Variants in N4BP2L1 observed in about 807,000 individuals in gnomAD.
N4BP2L1 encodes NEDD4-binding protein 2-like 1.
N4BP2L1 carries 12 observed loss-of-function variants against 21.2 expected under a neutral mutation model. The observed-to-expected ratio is 0.57, with a 90% CI of 0.36 to 0.92. N4BP2L1 has a LOEUF of 0.92. Among genes scored for constraint, N4BP2L1 ranks in the 40% least tolerant of loss-of-function variants. N4BP2L1 has a pLI of 0.01. For missense variants in N4BP2L1, 259 were observed against 310.6 expected (o/e 0.83, Z 1.25); for synonymous variants, 104 against 112.8 (o/e 0.92, Z 0.49).
intron 3 of N4BP2L1, 88 bp downstream of exon 3, chr13:32,407,162 G>T: frequency 1.5e-6 from 2 of 1,315,336 alleles, no homozygotes; most frequent in Non-Finnish European, 2.2e-6. Context: ...TGAAATCATG[G>T]AACATCAGAA....
At chr13:32,419,230 A>G (rs1333707376) in intron 1 of N4BP2L1, among the ~76,000 whole-genome samples, 2 of 146,312 alleles carry the variant, frequency 1.4e-5, no homozygotes, top group Non-Finnish European at 3.0e-5. Context: ...GAGTTCTCAC[A>G]AGATCTGGCT....
chr13:32,411,796 A>T lies in N4BP2L1; in HGVS notation c.180-4024T>A, dbSNP rs371008786. On this transcript the variant is annotated intron_variant, in intron 1 of 4. Coordinates refer to ENST00000380130, the MANE Select transcript of N4BP2L1 (RefSeq NM_052818.3). ...TTTAATAATAGAGAACCATAGAGATATATTTAGATATCTCTTCAGCCAGTC... is the reference window on the plus strand; with the variant it reads ...TTTAATAATAGAGAACCATAGAGATTTATTTAGATATCTCTTCAGCCAGTC... 33 of 974,064 alleles carry T rather than the reference A, an allele frequency of 3.4e-5. 2 individuals are homozygous for T. In the East Asian group the frequency reaches 1.7e-3, roughly 50 times the overall value. 60.3% of individuals were successfully genotyped at this position (974,064 alleles called of 1,614,324 possible). A position where few individuals can be genotyped will look rare whatever the true frequency, so the allele number is the denominator to read the frequency against.
At chr13:32,420,286 C>G (rs983453154) in intron 1 of N4BP2L1, 6 of 152,274 alleles carry the variant, frequency 3.9e-5, no homozygotes, top group African/African-American at 9.6e-5. Context: ...TTTGTAGGCT[C>G]TCACAGCTGT....
rs1411249168 is a variant in N4BP2L1, at chr13:32,415,418, G to A, written c.180-7646C>T. 2.0e-5 allele frequency among the ~76,000 whole-genome samples: 3 copies of A among 152,210 alleles called. No homozygotes were observed. In the East Asian group the frequency reaches 5.8e-4, roughly 29 times the overall value. On this transcript the variant is annotated intron_variant, in intron 1 of 4. Coordinates refer to ENST00000380130, the MANE Select transcript of N4BP2L1 (RefSeq NM_052818.3). ...AATTTATTTTTTTAATCACTTCTGA[G>A]CCTTCAAGTCAAATATGTTCTATGA...
chr13:32,412,398 G>A (rs1396629380), intron 1 of N4BP2L1, among the ~76,000 whole-genome samples: 8 of 152,022 alleles, frequency 5.3e-5, no homozygotes, highest in Non-Finnish European at 1.2e-4. Flanking sequence ...AGGCCAAGAC[G>A]GGCGGATCAC....
At chr13:32,423,581 G>A (rs1236444449) in intron 1 of N4BP2L1, among the ~76,000 whole-genome samples, 5 of 152,172 alleles carry the variant, frequency 3.3e-5, no homozygotes, top group Admixed American at 1.3e-4. Flanking sequence ...CCCATACAAG[G>A]TAATATTTTA....
At chr13:32,423,522 TACC>T (rs1207818992) in intron 1 of N4BP2L1, among the ~76,000 whole-genome samples, 4 of 152,260 alleles carry the variant, frequency 2.6e-5, no homozygotes, top group Admixed American at 2.6e-4. Context: ...AAAGAAAGGC[TACC>T]CTCTATTATG....
intron 3 of N4BP2L1, among the ~76,000 whole-genome samples, chr13:32,406,195 C>G (rs1434818118): frequency 6.6e-6 from 1 of 151,924 alleles, no homozygotes; most frequent in Non-Finnish European, 1.5e-5. Context: ...AGGCATGAGC[C>G]ACCGCACCCG....
chr13:32,407,994 G>T (rs1334133998), intron 1 of N4BP2L1, among the ~76,000 whole-genome samples: 1 of 152,194 alleles, frequency 6.6e-6, no homozygotes, highest in East Asian at 1.9e-4. Context: ...AGTGTGTGTT[G>T]CCAGTCCTTG....
chr13:32,425,537 T>C (rs2074715900), intron 1 of N4BP2L1: 1 of 140,114 alleles, frequency 7.1e-6, no homozygotes, highest in Non-Finnish European at 1.5e-5. Context: ...AAAATGTATA[T>C]AGCACTTTAA....
At chr13:32,412,563 A>C (rs1440550086) in intron 1 of N4BP2L1, among the ~76,000 whole-genome samples, 1 of 150,938 alleles carries the variant, frequency 6.6e-6, no homozygotes, top group African/African-American at 2.4e-5. Flanking sequence ...GGAGGCAGAA[A>C]TTGCAGTGAG....
chr13:32,402,391 G>T lies in N4BP2L1; in HGVS notation c.*551C>A. On this transcript the variant is annotated 3_prime_UTR_variant, in exon 5 of 5. Transcript: ENST00000380130. ...CAAAGTGTCTACTTTGAAGGACAAT[G>T]TTCCCTTAGATGTATGCTTTCTGGC... 2.7e-6 allele frequency: 2 copies of T among 746,454 alleles called. No individual in the cohort carries two copies. The highest frequency in any genetic ancestry group is 5.8e-5 in the South Asian group (1 of 17,098). 46.2% of individuals were successfully genotyped at this position (746,454 alleles called of 1,614,324 possible). A position where few individuals can be genotyped will look rare whatever the true frequency, so the allele number is the denominator to read the frequency against.
At chr13:32,405,165 G>A (rs2073395082) in intron 3 of N4BP2L1, among the ~76,000 whole-genome samples, 2 of 152,070 alleles carry the variant, frequency 1.3e-5, no homozygotes, top group Admixed American at 1.3e-4. Flanking sequence ...TTTCTAAGTC[G>A]AATTAATAGC....
chr13:32,428,578 G>T (rs1169135940), upstream of N4BP2L1, among the ~76,000 whole-genome samples: 1 of 152,220 alleles, frequency 6.6e-6, no homozygotes. Context: ...ACCAACATCT[G>T]GCTGGCGTCC....
intron 1 of N4BP2L1, among the ~76,000 whole-genome samples, chr13:32,414,460 A>C (rs1178723114): frequency 1.3e-5 from 2 of 152,080 alleles, no homozygotes; most frequent in Non-Finnish European, 2.9e-5. Context: ...AAGCCTCCTT[A>C]TTAGGAGGTT....
At chr13:32,417,110 C>T (rs1011848784) in intron 1 of N4BP2L1, among the ~76,000 whole-genome samples, 1 of 152,198 alleles carries the variant, frequency 6.6e-6, no homozygotes, top group African/African-American at 2.4e-5. Flanking sequence ...CCACCAGGCC[C>T]AGCTGGCAAA....
Position 32,402,653 on chromosome 13 carries a change from C to A in N4BP2L1, c.*289G>T. 8.7e-7 allele frequency: 1 copy of A among 1,151,278 alleles called. No homozygotes were observed. The highest frequency in any genetic ancestry group is 1.1e-6 in the Non-Finnish European group (1 of 934,848). 71.3% of individuals were successfully genotyped at this position (1,151,278 alleles called of 1,614,324 possible). A position where few individuals can be genotyped will look rare whatever the true frequency, so the allele number is the denominator to read the frequency against. ...ATAAACACTTTATTTCATCTATGAA[C>A]CTATGTAAATATATTCTTGGGTGTG... On this transcript the variant is annotated 3_prime_UTR_variant, in exon 5 of 5. Transcript: ENST00000380130.
At chr13:32,405,799 G>A (rs151203258) in intron 3 of N4BP2L1, among the ~76,000 whole-genome samples, 12 of 151,618 alleles carry the variant, frequency 7.9e-5, no homozygotes, top group Non-Finnish European at 1.6e-4. Flanking sequence ...GCCTAAAATC[G>A]TGAGCCCAGT....
At chr13:32,414,850 C>T (rs2074041956) in intron 1 of N4BP2L1, among the ~76,000 whole-genome samples, 1 of 152,194 alleles carries the variant, frequency 6.6e-6, no homozygotes, top group Non-Finnish European at 1.5e-5. Flanking sequence ...TCTATTCACT[C>T]AGGGCACATG....
Sources: allele counts gnomAD v4.1 joint callset (sites outside exome capture counted in the v4.1 genomes callset), GRCh38; gene constraint gnomAD v4.1.1; transcripts MANE v1.5; gene names NCBI Gene and HGNC (gene_info 2026-07-23, HGNC 2026-07-21).